The following GRM7 variants were observed in gnomAD, a reference collection of about 807,000 sequenced individuals.
GRM7 encodes glutamate metabotropic receptor 7.
GRM7 carries 35 observed loss-of-function variants against 84.5 expected under a neutral mutation model. The observed-to-expected ratio is 0.41, with a 90% CI of 0.32 to 0.55. The LOEUF is 0.55. Ranked by LOEUF, GRM7 falls within the 20% of genes least tolerant of loss-of-function variation. GRM7 has a pLI of 0.19. For synonymous variants in GRM7, 487 were observed against 455.1 expected (o/e 1.07, Z -0.89); for missense variants, 1,003 against 1,194.6 (o/e 0.84, Z 2.36).
At chr3:7,004,542 A>G (rs1277093050) in intron 1 of GRM7, among the ~76,000 whole-genome samples, 3 of 152,180 alleles carry the variant, frequency 2.0e-5, no homozygotes, top group Admixed American at 6.5e-5. Flanking sequence ...GTTACGTGAA[A>G]TATCTGATCA....
At chr3:7,205,621 G>T (rs1449151030) in intron 2 of GRM7, among the ~76,000 whole-genome samples, 1 of 152,176 alleles carries the variant, frequency 6.6e-6, no homozygotes, top group Non-Finnish European at 1.5e-5. Flanking sequence ...CTCTATTTGA[G>T]GATGAATTTA....
intron 9 of GRM7, among the ~76,000 whole-genome samples, chr3:7,727,927 CT>C (rs1323219549): frequency 6.6e-6 from 1 of 152,200 alleles, no homozygotes; most frequent in East Asian, 1.9e-4. Context: ...GCGATTCTGT[CT>C]TTTGCCTGTC....
intron 1 of GRM7, among the ~76,000 whole-genome samples, chr3:6,937,573 C>A (rs987553560): frequency 1.3e-5 from 2 of 152,086 alleles, no homozygotes; most frequent in African/African-American, 4.8e-5. Flanking sequence ...GATTGGTAAC[C>A]ATTGAAAATT....
intron 7 of GRM7, among the ~76,000 whole-genome samples, chr3:7,563,736 A>C (rs1199720400): frequency 6.6e-6 from 1 of 152,206 alleles, no homozygotes; most frequent in Admixed American, 6.5e-5. Flanking sequence ...TGAACAATCA[A>C]ATGAAAAGTC....
At chr3:7,369,038 C>A (rs1694026969) in intron 4 of GRM7, among the ~76,000 whole-genome samples, 1 of 151,972 alleles carries the variant, frequency 6.6e-6, no homozygotes, top group African/African-American at 2.4e-5. Context: ...CTTTCTATGG[C>A]ACATCACAAC....
At chr3:7,606,800 C>G (rs1022062571) in intron 8 of GRM7, 5 of 152,164 alleles carry the variant, frequency 3.3e-5, no homozygotes, top group African/African-American at 1.2e-4. Flanking sequence ...TCCCAAAGTG[C>G]TGCAATTACA....
At chr3:7,593,522 T>A (rs1695893076) in intron 8 of GRM7, among the ~76,000 whole-genome samples, 1 of 152,154 alleles carries the variant, frequency 6.6e-6, no homozygotes, top group Admixed American at 6.5e-5. Flanking sequence ...GGGAGATAGA[T>A]CTTACCTGGA....
intron 7 of GRM7, among the ~76,000 whole-genome samples, chr3:7,508,304 T>C (rs1349349655): frequency 6.6e-6 from 1 of 152,152 alleles, no homozygotes; most frequent in Non-Finnish European, 1.5e-5. Flanking sequence ...CAGGGAGTGG[T>C]AAATAATAGT....
intron 2 of GRM7, among the ~76,000 whole-genome samples, chr3:7,203,497 A>G (rs1575027012): frequency 1.3e-5 from 2 of 152,094 alleles, no homozygotes; most frequent in Non-Finnish European, 1.5e-5. Context: ...TCACCCATTG[A>G]TGGGCTCTTA....
chr3:7,198,063 C>G (rs577250062), intron 2 of GRM7, among the ~76,000 whole-genome samples: 1 of 151,216 alleles, frequency 6.6e-6, no homozygotes, highest in Non-Finnish European at 1.5e-5. Flanking sequence ...GAGCCAAGAG[C>G]TGATGATGAG....
At chr3:7,153,526 G>A (rs931665374) in intron 2 of GRM7, among the ~76,000 whole-genome samples, 1 of 152,106 alleles carries the variant, frequency 6.6e-6, no homozygotes, top group Non-Finnish European at 1.5e-5. Flanking sequence ...ATAAATGCAT[G>A]TTGAATTTAA....
intron 1 of GRM7, among the ~76,000 whole-genome samples, chr3:7,051,812 A>G (rs1697011646): frequency 6.6e-6 from 1 of 151,820 alleles, no homozygotes; most frequent in African/African-American, 2.4e-5. Flanking sequence ...AAAGAATTCC[A>G]CATGGATACA....
rs114237135 is a variant in GRM7 at position 7,403,921 on chromosome 3, G to A, written c.1034-11102G>A. ...GGTACTCCTTGGATAGCTCGTCCAG[G>A]GCTGTAAAATGGATATATGAGCGAT... On this transcript the variant is annotated intron_variant, in intron 4 of 9. Coordinates refer to ENST00000357716, the MANE Select transcript of GRM7 (RefSeq NM_000844.4). Among the ~76,000 whole-genome samples the A allele has an allele frequency of 5.7e-3, 860 of 151,672 alleles. 10 individuals carry two copies. The highest frequency in any genetic ancestry group is 0.019 in the African/African-American group (794 of 41,364).
chr3:6,983,349 C>A (rs1175670173), intron 1 of GRM7, among the ~76,000 whole-genome samples: 2 of 152,008 alleles, frequency 1.3e-5, no homozygotes, highest in Non-Finnish European at 2.9e-5. Context: ...ATATTTTCAG[C>A]CTGGAGGTAG....
intron 6 of GRM7, among the ~76,000 whole-genome samples, chr3:7,454,115 C>A (rs1228546504): frequency 2.0e-5 from 3 of 151,956 alleles, no homozygotes; most frequent in African/African-American, 4.8e-5. Context: ...CTCTCTCTCT[C>A]TCTCTCTCTC....
chr3:7,468,687 A>G (rs1698562267), intron 7 of GRM7, among the ~76,000 whole-genome samples: 1 of 152,198 alleles, frequency 6.6e-6, no homozygotes, highest in Non-Finnish European at 1.5e-5. Context: ...CCACATGTCA[A>G]GGCAGGGAGG....
chr3:7,527,478 T>C (rs917221364), intron 7 of GRM7, among the ~76,000 whole-genome samples: 2 of 152,032 alleles, frequency 1.3e-5, no homozygotes, highest in African/African-American at 4.8e-5. Context: ...TGAAGAGAAA[T>C]GATTTGCTTT....
At chr3:6,873,502 G>T (rs1695199918) in intron 1 of GRM7, among the ~76,000 whole-genome samples, 1 of 152,010 alleles carries the variant, frequency 6.6e-6, no homozygotes, top group Admixed American at 6.6e-5. Context: ...TGATTATCAG[G>T]GTCTCACTAT....
chr3:7,476,176 G>A (rs1412544662), intron 7 of GRM7, among the ~76,000 whole-genome samples: 1 of 152,104 alleles, frequency 6.6e-6, no homozygotes, highest in Non-Finnish European at 1.5e-5. Flanking sequence ...CCTTCTCCAG[G>A]CTTCATCCCC....
Sources: gnomAD v4.1 joint callset for allele counts (sites outside exome capture counted in the v4.1 genomes callset) on GRCh38, gnomAD v4.1.1 for gene constraint, MANE v1.5 for transcripts, NCBI Gene and HGNC (gene_info 2026-07-23, HGNC 2026-07-21) for gene names.